The following SVEP1 variants were observed in gnomAD, a reference collection of about 807,000 sequenced individuals.
SVEP1 encodes sushi, von Willebrand factor type A, EGF and pentraxin domain-containing protein 1.
SVEP1 carries 164 observed loss-of-function variants against 367.3 expected under a neutral mutation model. The ratio of observed to expected loss-of-function variants is 0.45; its 90% confidence interval spans 0.39 to 0.51. The LOEUF (loss-of-function observed/expected upper bound fraction) is 0.51, where lower values mean the gene tolerates loss of function less well. Ranked by LOEUF, SVEP1 falls within the 20% of genes least tolerant of loss-of-function variation. The probability of loss-of-function intolerance (pLI) is 0.00; values close to 1 mark genes in which losing one functional copy is unlikely to be tolerated. For missense variants in SVEP1, 4,117 were observed against 4,425.3 expected, an observed-to-expected ratio of 0.93 and a Z score of 1.98; for synonymous variants, 1,666 against 1,611.6, an observed-to-expected ratio of 1.03 and a Z score of -0.81.
intron 43 of SVEP1, among the ~76,000 whole-genome samples, chr9:110,383,319 C>G (rs1267447616): frequency 6.6e-6 from 1 of 152,136 alleles, no homozygotes; most frequent in Non-Finnish European, 1.5e-5. Flanking sequence ...AGTCAGGCCC[C>G]TCTTTTGTAG....
intron 47 of SVEP1, among the ~76,000 whole-genome samples, chr9:110,367,767 C>T (rs1827220985): frequency 6.6e-6 from 1 of 152,074 alleles, no homozygotes; most frequent in Non-Finnish European, 1.5e-5. Flanking sequence ...TGTATGGTGA[C>T]ATGTAAAAAA....
At chr9:110,404,723 A>C (rs12348838) in intron 38 of SVEP1, among the ~76,000 whole-genome samples, 171 bp from the exon 39 acceptor site, 20,155 of 152,172 alleles carry the variant, frequency 0.13, 1,668 homozygotes, top group South Asian at 0.23. Context: ...AAACACCAAC[A>C]TAACAATAAC....
chr9:110,494,600 A>G (rs993157972), intron 8 of SVEP1, among the ~76,000 whole-genome samples: 1 of 152,206 alleles, frequency 6.6e-6, no homozygotes, highest in African/African-American at 2.4e-5. Flanking sequence ...TCTACCAAGA[A>G]ATTTCTTTTT....
intron 5 of SVEP1, among the ~76,000 whole-genome samples, chr9:110,507,879 T>C (rs1011554076): frequency 6.6e-6 from 1 of 152,194 alleles, no homozygotes; most frequent in African/African-American, 2.4e-5. Context: ...TTTCCTAACC[T>C]GAGACAAAAT....
intron 10 of SVEP1, among the ~76,000 whole-genome samples, chr9:110,482,751 C>T (rs1324301331): frequency 6.6e-6 from 1 of 152,190 alleles, no homozygotes; most frequent in Non-Finnish European, 1.5e-5. Context: ...TGGTCTTGAA[C>T]TCCTGACCTC....
Position 110,431,935 on chromosome 9 carries a change from C to T in SVEP1, c.5333G>A (p.Gly1778Glu), listed in dbSNP as rs1238726177. Residue 1778 changes from glycine to glutamate, a missense_variant, in exon 32 of 48, where the codon GGA (glycine) becomes GAA (glutamate). By Grantham distance (98) the Gly-to-Glu change is moderately conservative. This residue lies in a region of SVEP1 where 2,174 missense variants were observed against 2,494.3 expected (regional missense o/e 0.87). Transcript: ENST00000374469. The part of the protein sequence containing the change: ...YICSCVPPYT[G>E]DGKNCAEPIK... ...GTTACCTGCACAGTTTTTCCCATCT[C>T]CTGTGTACGGTGGGACACATGAACA... The T allele has an allele frequency of 2.5e-6, 4 of 1,613,650 alleles. No homozygotes were observed. In the South Asian group the frequency reaches 4.4e-5, roughly 18 times the overall value.
At chr9:110,450,477 T>TTTG (rs1828676515) in intron 23 of SVEP1, among the ~76,000 whole-genome samples, 1 of 146,946 alleles carries the variant, frequency 6.8e-6, no homozygotes, top group Non-Finnish European at 1.5e-5. Context: ...GTTTTTTTTT[T>TTTG]TTTTTTTTTT....
intron 3 of SVEP1, among the ~76,000 whole-genome samples, chr9:110,520,670 T>C (rs1344908519): frequency 6.6e-6 from 1 of 152,212 alleles, no homozygotes; most frequent in African/African-American, 2.4e-5. Flanking sequence ...ACCCGTTAAA[T>C]ATCAATTCCT....
intron 46 of SVEP1, among the ~76,000 whole-genome samples, chr9:110,371,993 A>G (rs7035572): frequency 0.082 from 12,555 of 152,214 alleles, 1,044 homozygotes; most frequent in African/African-American, 0.22. Flanking sequence ...CTCTCAACAC[A>G]TAATTTAGCA....
intron 3 of SVEP1, among the ~76,000 whole-genome samples, chr9:110,543,245 C>A (rs947660623): frequency 1.3e-5 from 2 of 152,120 alleles, no homozygotes; most frequent in Admixed American, 6.6e-5. Flanking sequence ...CTCTTAGAAA[C>A]AAATATTGAA....
chr9:110,371,414 T>C (rs1827274292), intron 46 of SVEP1, among the ~76,000 whole-genome samples: 1 of 152,184 alleles, frequency 6.6e-6, no homozygotes, highest in Non-Finnish European at 1.5e-5. Context: ...CTTTTCATGT[T>C]GCGTGTCTTC....
At chr9:110,459,700 A>T (rs1469279447) in intron 18 of SVEP1, among the ~76,000 whole-genome samples, 1 of 152,154 alleles carries the variant, frequency 6.6e-6, no homozygotes, top group Non-Finnish European at 1.5e-5. Context: ...TCATTAAAAA[A>T]ATAAGTAGTT....
At chr9:110,427,852 T>C in intron 35 of SVEP1, 94 bp from the exon 36 acceptor site, 1 of 1,402,850 alleles carries the variant, frequency 7.1e-7, no homozygotes, top group South Asian at 1.4e-5. Context: ...AAGGGACATT[T>C]GAGGAATTTG....
chr9:110,578,977 G>T, intron 1 of SVEP1, 36 bp downstream of exon 1: 1 of 1,542,040 alleles, frequency 6.5e-7, no homozygotes, highest in Non-Finnish European at 8.7e-7. Context: ...AGGGCCCGGG[G>T]ACTAGGGCCC....
intron 1 of SVEP1, among the ~76,000 whole-genome samples, chr9:110,564,867 T>A (rs1248628394): frequency 6.7e-6 from 1 of 148,316 alleles, no homozygotes; most frequent in Non-Finnish European, 1.5e-5. Flanking sequence ...CTTTCAAATG[T>A]GTTGACTTTT....
intron 40 of SVEP1, among the ~76,000 whole-genome samples, chr9:110,396,546 T>G (rs1015659313): frequency 1.3e-5 from 2 of 151,874 alleles, no homozygotes; most frequent in Admixed American, 1.3e-4. Flanking sequence ...TTCAAAAAAT[T>G]AATGAATCCA....
At chr9:110,376,501 A>G (rs1451444386) in intron 45 of SVEP1, among the ~76,000 whole-genome samples, 1 of 152,082 alleles carries the variant, frequency 6.6e-6, no homozygotes. Flanking sequence ...TCCATCATAC[A>G]TTTTCCTTTA....
chr9:110,465,824 A>G (rs1457592145), intron 18 of SVEP1, 41 bp downstream of exon 18: 1 of 1,592,244 alleles, frequency 6.3e-7, no homozygotes, highest in Non-Finnish European at 8.6e-7. Flanking sequence ...CATAGAACCT[A>G]GTAGGTTTAA....
intron 1 of SVEP1, among the ~76,000 whole-genome samples, chr9:110,562,238 CA>C (rs752445572): frequency 6.4e-5 from 8 of 125,560 alleles, no homozygotes; most frequent in African/African-American, 6.1e-5. Flanking sequence ...ATAGCAAAAA[CA>C]AAAAAAAAGT....
Sources: gnomAD v4.1 joint callset for allele counts (sites outside exome capture counted in the v4.1 genomes callset) on GRCh38, gnomAD v4.1.1 for gene constraint, gnomAD v4.1.1 regional missense constraint, MANE v1.5 for transcripts, NCBI Gene and HGNC (gene_info 2026-07-23, HGNC 2026-07-21) for gene names.